CYSLTR1: variants seen among roughly 807,000 people sequenced by gnomAD.
CYSLTR1 encodes the protein G-protein coupled receptor HG55.
Under a neutral mutation model 2.1 loss-of-function variants are expected in CYSLTR1, and 1 was observed. That is an observed-to-expected ratio of 0.48 (90% CI 0.17 to 2.28). CYSLTR1 has a LOEUF of 2.28. CYSLTR1 is among the 30% of genes most tolerant of loss of function. CYSLTR1 has a pLI of 0.26. For missense variants in CYSLTR1, 299 were observed against 250.1 expected (o/e 1.20, Z -1.32); for synonymous variants, 110 against 89.6 (o/e 1.23, Z -1.28).
At chrX:78,322,458 C>T (rs1212757587) in intron 1 of CYSLTR1, among the ~76,000 whole-genome samples, 4 of 111,859 alleles carry the variant, frequency 3.6e-5, no homozygotes, top group Non-Finnish European at 7.5e-5. Flanking sequence ...TCTCTCTTTG[C>T]ACATAGGAAA....
chrX:78,319,249 T>C (rs1220796962), intron 1 of CYSLTR1: 1 of 93,563 alleles, frequency 1.1e-5, no homozygotes, highest in Non-Finnish European at 2.2e-5. Context: ...TATCTCTTAA[T>C]GCTATCCCTC....
intron 1 of CYSLTR1, chrX:78,320,794 C>T (rs979272985): frequency 8.1e-5 from 9 of 110,987 alleles, no homozygotes; most frequent in East Asian, 2.8e-4. Flanking sequence ...CATTGAGCAG[C>T]GGTTTGTAGT....
chrX:78,295,510 A>T (rs1245685143), intron 1 of CYSLTR1, among the ~76,000 whole-genome samples: 1 of 110,575 alleles, frequency 9.0e-6, no homozygotes, highest in Non-Finnish European at 1.9e-5. Flanking sequence ...ATTCTTATCA[A>T]CAGTATATAA....
intron 1 of CYSLTR1, among the ~76,000 whole-genome samples, chrX:78,292,564 G>T (rs1003204753): frequency 4.5e-5 from 5 of 111,241 alleles, no homozygotes; most frequent in Non-Finnish European, 9.4e-5. Context: ...TATTGACAGT[G>T]GGGTGTTAAA....
At chrX:78,310,863 C>A (rs768555366) in intron 1 of CYSLTR1, among the ~76,000 whole-genome samples, 4 of 109,317 alleles carry the variant, frequency 3.7e-5, no homozygotes, top group Non-Finnish European at 7.6e-5. Context: ...TATGCATGTG[C>A]GTGTATGTGT....
chrX:78,289,564 A>G (rs1922226475), intron 1 of CYSLTR1, among the ~76,000 whole-genome samples: 1 of 112,023 alleles, frequency 8.9e-6, no homozygotes, highest in South Asian at 3.8e-4. Flanking sequence ...GTTGAACTAA[A>G]GTACACTCCC....
intron 1 of CYSLTR1, among the ~76,000 whole-genome samples, chrX:78,289,595 C>G (rs1409876804): frequency 8.9e-6 from 1 of 111,824 alleles, no homozygotes; most frequent in Non-Finnish European, 1.9e-5. Flanking sequence ...TAAAAGTGTT[C>G]CTATTTCTCC....
intron 2 of CYSLTR1, among the ~76,000 whole-genome samples, chrX:78,279,905 T>C (rs1921761452): frequency 9.0e-6 from 1 of 111,490 alleles, no homozygotes. Context: ...TGGGTATATA[T>C]GGACATAAAG....
At chrX:78,312,065 A>G (rs1434757325) in intron 1 of CYSLTR1, among the ~76,000 whole-genome samples, 1 of 111,875 alleles carries the variant, frequency 8.9e-6, no homozygotes, top group East Asian at 2.8e-4. Context: ...TCATCACATT[A>G]CTCAACGTCA....
intron 1 of CYSLTR1, among the ~76,000 whole-genome samples, chrX:78,301,680 T>C (rs1922826451): frequency 8.9e-6 from 1 of 112,056 alleles, no homozygotes; most frequent in Non-Finnish European, 1.9e-5. Flanking sequence ...TTTCTTCTTC[T>C]GAGCCCTCCA....
In CYSLTR1 at chrX:78,317,471, A is replaced by G. The variant is rs150978173; in HGVS notation, c.-115+9834T>C. ...AATTATCATTTGATCCAGCAATACT[A>G]CTATTGGGTTTCTACCCAAAGGAAA... On this transcript the variant is annotated intron_variant, in intron 1 of 2. Transcript: ENST00000373304. 8.9e-3 allele frequency among the ~76,000 whole-genome samples: 1,007 copies of G among 112,541 alleles called. 9 individuals are homozygous for G. Among genetic ancestry groups the G allele is most frequent in the African/African-American group, 0.031 (949 of 30,949 alleles).
chrX:78,297,423 C>T (rs192734659), intron 1 of CYSLTR1, among the ~76,000 whole-genome samples: 1 of 110,774 alleles, frequency 9.0e-6, no homozygotes, highest in African/African-American at 3.3e-5. Flanking sequence ...GGAAGTGTTC[C>T]CTCCTCCTCT....
chrX:78,321,371 A>T (rs1186910323), intron 1 of CYSLTR1: 1 of 110,381 alleles, frequency 9.1e-6, no homozygotes, highest in African/African-American at 3.3e-5. Context: ...GAATCTACAC[A>T]TTTGGGCAGA....
At chrX:78,279,321 C>T (rs1420302283) in intron 2 of CYSLTR1, among the ~76,000 whole-genome samples, 11 of 111,600 alleles carry the variant, frequency 9.9e-5, no homozygotes, top group Admixed American at 4.8e-4. Flanking sequence ...CAAAACAAGA[C>T]ATAGATGCAG....
chrX:78,294,807 C>T (rs1922507386), intron 1 of CYSLTR1, among the ~76,000 whole-genome samples: 1 of 112,777 alleles, frequency 8.9e-6, no homozygotes, highest in South Asian at 3.6e-4. Flanking sequence ...AGAGAATCTC[C>T]TGGTCCGCCA....
At chrX:78,273,822 A>T (rs1921440214) in intron 2 of CYSLTR1, 49 bp from the exon 3 acceptor site, 2 of 1,016,560 alleles carry the variant, frequency 2.0e-6, no homozygotes, top group South Asian at 2.4e-5. Flanking sequence ...CATAAATTAC[A>T]GGAAGTACTA....
At chrX:78,286,862 T>A (rs1922096565) in intron 1 of CYSLTR1, among the ~76,000 whole-genome samples, 1 of 111,588 alleles carries the variant, frequency 9.0e-6, no homozygotes, top group Non-Finnish European at 1.9e-5. Flanking sequence ...TTAAATTATA[T>A]CCATCTACTA....
At chrX:78,314,398 T>C (rs1221984471) in intron 1 of CYSLTR1, among the ~76,000 whole-genome samples, 1 of 111,627 alleles carries the variant, frequency 9.0e-6, no homozygotes, top group Non-Finnish European at 1.9e-5. Context: ...CCAATTGTCT[T>C]CCCTGCAGGT....
At chrX:78,299,229 T>C (rs918320838) in intron 1 of CYSLTR1, among the ~76,000 whole-genome samples, 4 of 112,116 alleles carry the variant, frequency 3.6e-5, no homozygotes, top group African/African-American at 1.3e-4. Flanking sequence ...ATTCATATCT[T>C]ATTGTACAAA....
Sources: allele counts gnomAD v4.1 joint callset (sites outside exome capture counted in the v4.1 genomes callset), GRCh38; gene constraint gnomAD v4.1.1; transcripts MANE v1.5; gene names NCBI Gene and HGNC (gene_info 2026-07-23, HGNC 2026-07-21).